Variants in ZNF695 observed in about 807,000 individuals in gnomAD.
ZNF695 encodes zinc finger protein 695, also known as zinc finger protein SBZF3.
In ZNF695, 11 loss-of-function variants were observed where a neutral mutation model predicts 11.2. The observed-to-expected ratio is 0.98, with a 90% CI of 0.62 to 1.62. ZNF695 has a LOEUF of 1.62. ZNF695 is among the 40% of genes most tolerant of loss of function. The pLI is 0.00. For synonymous variants in ZNF695, 190 were observed against 201.4 expected (o/e 0.94, Z 0.48); for missense variants, 559 against 590.5 (o/e 0.95, Z 0.55).
chr1:246,961,134 A>G (rs1668153129), intron 5 of ZNF695, among the ~76,000 whole-genome samples: 1 of 152,236 alleles, frequency 6.6e-6, no homozygotes, highest in African/African-American at 2.4e-5. Flanking sequence ...ATCATGGGGT[A>G]TAAGTCTTAA....
intron 5 of ZNF695, among the ~76,000 whole-genome samples, chr1:246,956,548 A>G (rs982731915): frequency 2.0e-5 from 3 of 151,960 alleles, no homozygotes; most frequent in Admixed American, 6.6e-5. Flanking sequence ...CCCGGGAGGC[A>G]GAGGTTGCAG....
intron 5 of ZNF695, among the ~76,000 whole-genome samples, chr1:246,950,032 C>T (rs374121720): frequency 9.9e-5 from 15 of 152,032 alleles, no homozygotes; most frequent in East Asian, 1.9e-4. Flanking sequence ...CCTCATTTTA[C>T]GAAATAAAAT....
At position 246,988,221 on chromosome 1, in the gene ZNF695, T is replaced by A; in HGVS notation, c.294A>T (p.Pro98=). ...LSSYLTEDIL[P]EQGLQVSFQK... The stretch of plus-strand genomic sequence containing the variant: ...GGAATGAAACTTGCAGGCCCTGCTC[T>A]GGCAAAATGTCTTCAGTAAGATAAG... Residue 98 remains proline, a synonymous_variant, in exon 4 of 4, where the codon CCA becomes CCT. Coordinates refer to ENST00000339986, the MANE Select transcript of ZNF695 (RefSeq NM_020394.5). The A allele has an allele frequency of 6.3e-7, 1 of 1,579,276 alleles. No individual in the cohort carries two copies. Among genetic ancestry groups the A allele is most frequent in the Non-Finnish European group, 8.6e-7 (1 of 1,167,318 alleles).
intron 5 of ZNF695, among the ~76,000 whole-genome samples, chr1:246,956,279 T>C (rs149239171): frequency 0.021 from 3,148 of 151,104 alleles, 67 homozygotes; most frequent in African/African-American, 0.054. Context: ...TGAGCTACTG[T>C]GCCCGGCCGA....
chr1:246,980,160 C>A (rs1320450735), intron 4 of ZNF695, among the ~76,000 whole-genome samples: 2 of 87,442 alleles, frequency 2.3e-5, no homozygotes, highest in African/African-American at 1.1e-4. Flanking sequence ...GCCTGGACGA[C>A]AGCCTGGACT....
At chr1:246,981,534 C>T (rs954794778), downstream of ZNF695, among the ~76,000 whole-genome samples, 13 of 152,200 alleles carry the variant, frequency 8.5e-5, no homozygotes, top group African/African-American at 3.1e-4. Context: ...GGAAAAGACT[C>T]AAAAATAAAG....
downstream of ZNF695, among the ~76,000 whole-genome samples, chr1:246,984,168 AAAG>A (rs1668783649): frequency 6.6e-6 from 1 of 150,614 alleles, no homozygotes; most frequent in African/African-American, 2.4e-5. Flanking sequence ...AAAAAAAAAA[AAAG>A]AAGAAGAAAA....
At chr1:246,994,710 G>GT (rs1464662272) in intron 3 of ZNF695, among the ~76,000 whole-genome samples, 2 of 151,814 alleles carry the variant, frequency 1.3e-5, no homozygotes, top group Admixed American at 6.6e-5. Context: ...GGTGGAGGGC[G>GT]TCTGTAGTCC....
chr1:246,968,165 A>T (rs956870245), intron 4 of ZNF695: 1 of 152,366 alleles, frequency 6.6e-6, no homozygotes, highest in African/African-American at 2.4e-5. Context: ...TGTAAAATCA[A>T]AAGCAAGTTA....
At chr1:246,966,973 T>C in intron 5 of ZNF695, 1 of 410,580 alleles carries the variant, frequency 2.4e-6, no homozygotes, top group South Asian at 1.8e-5. Context: ...AGTTTCACTC[T>C]TGTCGCCCAG....
chr1:246,976,839 A>G (rs1668581569), intron 4 of ZNF695, among the ~76,000 whole-genome samples: 1 of 152,138 alleles, frequency 6.6e-6, no homozygotes, highest in South Asian at 2.1e-4. Flanking sequence ...TATCCTGAAG[A>G]GAAAATGCAA....
chr1:246,994,613 G>A (rs945530791), intron 3 of ZNF695, among the ~76,000 whole-genome samples: 8 of 151,890 alleles, frequency 5.3e-5, no homozygotes, highest in African/African-American at 1.2e-4. Flanking sequence ...TGAGGCAGGC[G>A]GATCACGAGG....
chr1:246,954,472 G>A (rs771219412), intron 5 of ZNF695, among the ~76,000 whole-genome samples: 27 of 152,250 alleles, frequency 1.8e-4, no homozygotes, highest in South Asian at 2.1e-4. Flanking sequence ...GGCAGTCACC[G>A]TTCCCCAAAG....
intron 3 of ZNF695, among the ~76,000 whole-genome samples, chr1:246,998,198 C>A (rs1294223610): frequency 6.6e-6 from 1 of 152,054 alleles, no homozygotes; most frequent in Non-Finnish European, 1.5e-5. Context: ...CATATATACA[C>A]ACACATATAT....
intron 4 of ZNF695, among the ~76,000 whole-genome samples, chr1:246,974,764 A>G (rs1205490493): frequency 1.3e-5 from 2 of 152,172 alleles, no homozygotes; most frequent in Admixed American, 1.3e-4. Flanking sequence ...GTAAGTTGAC[A>G]TTGTCTAGCC....
Position 246,999,399 on chromosome 1 carries a change from C to T in ZNF695, c.208G>A (p.Ala70Thr), listed in dbSNP as rs749165358. ...SKPELIICLEARKEPWNVNTE... is the reference protein window; with the variant it reads ...SKPELIICLETRKEPWNVNTE... ...TTCACGTTCCAGGGCTCTTTCCTTG[C>T]CTCCAGACAGATGATCAGTTCTGGC... The change falls in exon 3 of 4, where the codon GCA (alanine) becomes ACA (threonine). Residue 70 changes from alanine to threonine, a missense_variant. Coordinates refer to ENST00000339986, the MANE Select transcript of ZNF695 (RefSeq NM_020394.5). 1.2e-6 allele frequency: 2 copies of T among 1,614,054 alleles called. No homozygotes were observed. The highest frequency in any genetic ancestry group is 1.7e-5 in the Admixed American group (1 of 60,020).
chr1:246,978,148 G>A (rs1453860675), intron 4 of ZNF695, among the ~76,000 whole-genome samples: 2 of 152,142 alleles, frequency 1.3e-5, no homozygotes, highest in Non-Finnish European at 2.9e-5. Context: ...GCTGCTACCT[G>A]TACTATCATG....
intron 5 of ZNF695, among the ~76,000 whole-genome samples, chr1:246,949,154 C>G (rs997586142): frequency 7.2e-5 from 11 of 152,006 alleles, no homozygotes; most frequent in African/African-American, 2.2e-4. Flanking sequence ...ACAGAAGGAC[C>G]CTGCTGGTAA....
At chr1:246,958,160 G>A (rs1668051366) in intron 5 of ZNF695, among the ~76,000 whole-genome samples, 1 of 151,036 alleles carries the variant, frequency 6.6e-6, no homozygotes, top group Admixed American at 6.6e-5. Context: ...CCGGGTTCAC[G>A]CCATTCTCCT....
Sources: allele counts gnomAD v4.1 joint callset (sites outside exome capture counted in the v4.1 genomes callset), GRCh38; gene constraint gnomAD v4.1.1; transcripts MANE v1.5; gene names NCBI Gene and HGNC (gene_info 2026-07-23, HGNC 2026-07-21).